The following DCDC2 variants were observed in gnomAD, a reference collection of about 807,000 sequenced individuals.
DCDC2 encodes the protein doublecortin domain-containing protein 2.
DCDC2 carries 40 observed loss-of-function variants against 50.2 expected under a neutral mutation model. That is an observed-to-expected ratio of 0.80 (90% CI 0.62 to 1.04). DCDC2 has a LOEUF of 1.04. Ranked by LOEUF, DCDC2 falls within the 50% of genes least tolerant of loss-of-function variation. The pLI is 0.00. For missense variants in DCDC2, 570 were observed against 581.9 expected, an observed-to-expected ratio of 0.98 and a Z score of 0.21; for synonymous variants, 234 against 210.6, an observed-to-expected ratio of 1.11 and a Z score of -0.96.
intron 2 of DCDC2, among the ~76,000 whole-genome samples, chr6:24,317,587 A>G (rs1025472592): frequency 6.6e-6 from 1 of 152,080 alleles, no homozygotes; most frequent in Non-Finnish European, 1.5e-5. Flanking sequence ...CTTGGTAAAG[A>G]CAAAGACTTT....
At chr6:24,205,201 T>G in intron 7 of DCDC2, 99 bp from the exon 8 acceptor site, 1 of 1,613,728 alleles carries the variant, frequency 6.2e-7, no homozygotes, top group African/African-American at 1.3e-5. Flanking sequence ...AATAGACATT[T>G]GGATTCCCTT....
chr6:24,333,116 C>G (rs1759994778), intron 2 of DCDC2, among the ~76,000 whole-genome samples: 1 of 152,086 alleles, frequency 6.6e-6, no homozygotes, highest in South Asian at 2.1e-4. Flanking sequence ...GAGAATGTTC[C>G]AAACTCAAGA....
chr6:24,310,048 A>T (rs1006400397), intron 2 of DCDC2, among the ~76,000 whole-genome samples: 45 of 152,350 alleles, frequency 3.0e-4, no homozygotes, highest in African/African-American at 1.0e-3. Context: ...GATAAATATT[A>T]ATCAAGTAAA....
chr6:24,175,541 C>A (rs1760886519), intron 9 of DCDC2, among the ~76,000 whole-genome samples: 1 of 152,168 alleles, frequency 6.6e-6, no homozygotes, highest in African/African-American at 2.4e-5. Flanking sequence ...CCCCAAACCA[C>A]ACAGGCCATG....
intron 6 of DCDC2, among the ~76,000 whole-genome samples, chr6:24,286,927 C>T (rs1270839327): frequency 2.6e-5 from 4 of 152,176 alleles, no homozygotes; most frequent in African/African-American, 7.2e-5. Flanking sequence ...GCCTCTACCA[C>T]CTCCCCAGTC....
intron 7 of DCDC2, among the ~76,000 whole-genome samples, chr6:24,274,567 G>A (rs1581624990): frequency 8.7e-6 from 1 of 114,822 alleles, no homozygotes; most frequent in Admixed American, 1.2e-4. Flanking sequence ...TGCTCTGCTT[G>A]AATTATTAAG....
intron 7 of DCDC2, among the ~76,000 whole-genome samples, chr6:24,211,019 T>C (rs1232421526): frequency 6.6e-6 from 1 of 152,224 alleles, no homozygotes; most frequent in African/African-American, 2.4e-5. Context: ...AAACCCTCCT[T>C]GTTCCAATTC....
intron 2 of DCDC2, among the ~76,000 whole-genome samples, chr6:24,338,012 T>C (rs1052765286): frequency 6.6e-6 from 1 of 152,186 alleles, no homozygotes; most frequent in African/African-American, 2.4e-5. Context: ...ATTGCATTAA[T>C]TCTTAGGAAA....
At chr6:24,220,920 G>GAGCA (rs1301978264) in intron 7 of DCDC2, among the ~76,000 whole-genome samples, 21 of 149,008 alleles carry the variant, frequency 1.4e-4, no homozygotes, top group African/African-American at 5.0e-4. Flanking sequence ...GTGAGCGAGC[G>GAGCA]AGCGAGAGCA....
In DCDC2 at chr6:24,348,254, G is replaced by C. The variant is rs567348237; in HGVS notation, c.348+5315C>G. 2.6e-3 allele frequency among the ~76,000 whole-genome samples: 397 copies of C among 152,292 alleles called. 1 individual carries two copies. The highest frequency in any genetic ancestry group is 4.2e-3 in the Non-Finnish European group (287 of 68,028). On this transcript the variant is annotated intron_variant, in intron 2 of 9. Coordinates refer to ENST00000378454, the MANE Select transcript of DCDC2 (RefSeq NM_016356.5). ...GAAGAGCTAAGGGAAACAGAGATCA[G>C]TTCTAGATTGGTTTCTGTTTTTAAG...
intron 7 of DCDC2, among the ~76,000 whole-genome samples, chr6:24,215,437 C>A (rs11755011): frequency 0.068 from 10,275 of 152,112 alleles, 616 homozygotes; most frequent in East Asian, 0.36. Flanking sequence ...AGGGAGCGTC[C>A]TGGAAACAGA....
chr6:24,176,902 G>A (rs1417410), intron 9 of DCDC2, among the ~76,000 whole-genome samples: 42,351 of 152,048 alleles, frequency 0.28, 6,811 homozygotes, highest in East Asian at 0.76. Context: ...TTAACATAAT[G>A]TCCTCCAGGT....
chr6:24,268,433 G>C lies in DCDC2; in HGVS notation c.922+9616C>G, dbSNP rs1225541346. Among the ~76,000 whole-genome samples, 4 of 152,154 alleles carry C rather than the reference G, an allele frequency of 2.6e-5. No homozygotes were observed. The South Asian group carries it at 8.3e-4, about 32-fold the overall frequency. On this transcript the variant is annotated intron_variant, in intron 7 of 9. Transcript: ENST00000378454. The stretch of plus-strand genomic sequence containing the variant: ...ACCTGGGAGGCAGAGGTTGCAGTAA[G>C]CTGAGATCAGGCCATTGCACTACAG...
At chr6:24,262,007 C>T (rs1561748149) in intron 7 of DCDC2, among the ~76,000 whole-genome samples, 2 of 151,952 alleles carry the variant, frequency 1.3e-5, no homozygotes, top group Non-Finnish European at 2.9e-5. Context: ...GAGAAAGCCC[C>T]TTCATAAAAA....
At chr6:24,194,757 G>C (rs1484802640) in intron 8 of DCDC2, among the ~76,000 whole-genome samples, 2 of 152,172 alleles carry the variant, frequency 1.3e-5, no homozygotes, top group African/African-American at 4.8e-5. Context: ...TTCCACTGCT[G>C]ACAGCCAACC....
Position 24,188,073 on chromosome 6 carries a change from T to G in DCDC2, c.1024-9441A>C, listed in dbSNP as rs1770899. On this transcript the variant is annotated intron_variant, in intron 8 of 9. Transcript: ENST00000378454. ...GTTAAATTCAATGTATGTTCAAGAG[T>G]TACTTCCAGCCTAGTGGCTCCAAGA... Among the ~76,000 whole-genome samples, 1,027 of 152,262 alleles carry G rather than the reference T, an allele frequency of 6.7e-3. 7 individuals carry two copies. The highest frequency in any genetic ancestry group is 0.022 in the African/African-American group (925 of 41,548).
At chr6:24,290,154 C>T (rs954594323) in intron 5 of DCDC2, among the ~76,000 whole-genome samples, 4 of 150,662 alleles carry the variant, frequency 2.7e-5, no homozygotes, top group Non-Finnish European at 4.4e-5. Flanking sequence ...CCACTACGCC[C>T]GGCTAATTTT....
At chr6:24,193,605 C>A (rs1761356998) in intron 8 of DCDC2, among the ~76,000 whole-genome samples, 1 of 151,632 alleles carries the variant, frequency 6.6e-6, no homozygotes, top group African/African-American at 2.4e-5. Context: ...AAAGGGTTAC[C>A]CAAGAAAGGA....
intron 4 of DCDC2, among the ~76,000 whole-genome samples, chr6:24,293,641 C>G (rs922398603): frequency 6.6e-6 from 1 of 152,156 alleles, no homozygotes; most frequent in Non-Finnish European, 1.5e-5. Flanking sequence ...AGAAAATTAG[C>G]AAAGATATTC....
Sources: allele counts gnomAD v4.1 joint callset (sites outside exome capture counted in the v4.1 genomes callset), GRCh38; gene constraint gnomAD v4.1.1; transcripts MANE v1.5; gene names NCBI Gene and HGNC (gene_info 2026-07-23, HGNC 2026-07-21).